The following CCDC138 variants were observed in gnomAD, a reference collection of about 807,000 sequenced individuals.
CCDC138 encodes the protein coiled-coil domain containing 138, also known as coiled-coil domain-containing protein 138.
Under a neutral mutation model 82.3 loss-of-function variants are expected in CCDC138, and 66 were observed. That is an observed-to-expected ratio of 0.80 (90% confidence interval 0.66 to 0.98). The LOEUF is 0.98. Ranked by LOEUF, CCDC138 falls within the 50% of genes least tolerant of loss-of-function variation. The pLI is 0.00. For synonymous variants in CCDC138, 297 were observed against 265.4 expected (o/e 1.12, Z -1.16); for missense variants, 816 against 758.9 (o/e 1.08, Z -0.88).
At chr2:108,851,391 T>C (rs1423666200) in intron 12 of CCDC138, among the ~76,000 whole-genome samples, 2 of 152,156 alleles carry the variant, frequency 1.3e-5, no homozygotes, top group Non-Finnish European at 2.9e-5. Context: ...AACCTCTGCC[T>C]CCCAGGTTCA....
chr2:108,860,824 T>C (rs1270053074), intron 13 of CCDC138, among the ~76,000 whole-genome samples: 2 of 151,766 alleles, frequency 1.3e-5, no homozygotes, highest in Admixed American at 1.3e-4. Flanking sequence ...TTGGAATGAG[T>C]TAGGGAGGAG....
intron 2 of CCDC138, chr2:108,884,157 C>G (rs577560136): frequency 6.5e-6 from 1 of 152,728 alleles, no homozygotes; most frequent in East Asian, 1.9e-4. Context: ...TCTGCCTCGG[C>G]TTCCTAAAGT....
intron 2 of CCDC138, among the ~76,000 whole-genome samples, 190 bp downstream of exon 2, chr2:108,788,279 G>A (rs1366547593): frequency 6.6e-6 from 1 of 152,074 alleles, no homozygotes; most frequent in Admixed American, 6.5e-5. Flanking sequence ...AATTAGCCGA[G>A]CATGGTGGCG....
intron 7 of CCDC138, among the ~76,000 whole-genome samples, chr2:108,809,448 T>TTGTGTGTGTGTGTG (rs56122981): frequency 1.4e-5 from 2 of 141,138 alleles, no homozygotes; most frequent in East Asian, 2.1e-4. Context: ...ACATGAAATG[T>TTGTGTGTGTGTGTG]TGTGTGTGTG....
chr2:108,849,000 A>G (rs1282008295), intron 12 of CCDC138, among the ~76,000 whole-genome samples: 2 of 152,198 alleles, frequency 1.3e-5, no homozygotes, highest in African/African-American at 2.4e-5. Context: ...AAAGGAAAAC[A>G]TGAGCCTGGT....
intron 10 of CCDC138, among the ~76,000 whole-genome samples, chr2:108,821,079 C>T (rs968588901): frequency 3.9e-5 from 6 of 152,042 alleles, no homozygotes; most frequent in South Asian, 2.1e-4. Context: ...AATTTGTGGC[C>T]GGGTGCGGTG....
At chr2:108,787,908 A>T in intron 1 of CCDC138, 124 bp from the exon 2 acceptor site, 1 of 815,440 alleles carries the variant, frequency 1.2e-6, no homozygotes, top group Non-Finnish European at 1.9e-6. Context: ...CACTTGGTTA[A>T]GATGGTGTCT....
intron 13 of CCDC138, among the ~76,000 whole-genome samples, chr2:108,859,415 T>TGTC (rs1202959429): frequency 6.6e-6 from 1 of 152,210 alleles, no homozygotes; most frequent in Admixed American, 6.5e-5. Context: ...AGGTCCCAGT[T>TGTC]GTCAATTTTT....
chr2:108,832,344 CTTTTT>C (rs1179620383), intron 10 of CCDC138, among the ~76,000 whole-genome samples: 2 of 122,238 alleles, frequency 1.6e-5, no homozygotes, highest in Admixed American at 8.4e-5. Context: ...GTATTTCTTT[CTTTTT>C]TTTTTTTTTT....
In CCDC138 at chr2:108,861,776, C is replaced by T. The variant is rs568857469; in HGVS notation, c.1693+4806C>T. On this transcript the variant is annotated intron_variant, in intron 13 of 14. Transcript: ENST00000295124. The stretch of plus-strand genomic sequence containing the variant: ...GATTACAGGCGTGAGCCACCGCGCC[C>T]GGCCTAAACCTCGGCCTCCCAAAGT... 1.2e-4 allele frequency among the ~76,000 whole-genome samples: 18 copies of T among 151,810 alleles called. No individual in the cohort carries two copies. The South Asian group carries it at 1.5e-3, about 12-fold the overall frequency.
chr2:108,788,772 T>G, intron 2 of CCDC138, 80 bp from the exon 3 acceptor site: 2 of 1,547,574 alleles, frequency 1.3e-6, no homozygotes, highest in South Asian at 1.2e-5. Flanking sequence ...AAAATAGTAT[T>G]ATTTAGACTT....
At position 108,816,003 on chromosome 2, in the gene CCDC138, T is replaced by A; in HGVS notation, c.1104T>A (p.His368Gln). ...TCTTCATGGACTGGATTTCGGATCATCATCTTAGCAAAGTGAAACATGAAG... is the reference window on the plus strand; with the variant it reads ...TCTTCATGGACTGGATTTCGGATCAACATCTTAGCAAAGTGAAACATGAAG... ...LTVFMDWISD[H>Q]HLSKVKHEES... The change falls in exon 10 of 15, where the codon CAT becomes CAA. Residue 368 changes from histidine to glutamine, a missense_variant. Transcript: ENST00000295124. The A allele has an allele frequency of 6.2e-7, 1 of 1,613,740 alleles. No individual in the cohort carries two copies. Among genetic ancestry groups the A allele is most frequent in the African/African-American group, 1.3e-5 (1 of 75,026 alleles).
chr2:108,828,505 G>C (rs559191627), intron 10 of CCDC138, among the ~76,000 whole-genome samples: 36 of 152,300 alleles, frequency 2.4e-4, no homozygotes, highest in Non-Finnish European at 4.4e-4. Context: ...CATAAGACAT[G>C]TAGACCAATG....
At chr2:108,868,205 G>A (rs913674727) in intron 13 of CCDC138, among the ~76,000 whole-genome samples, 25 of 151,982 alleles carry the variant, frequency 1.6e-4, no homozygotes, top group Non-Finnish European at 2.5e-4. Context: ...TAAAAGTTAC[G>A]TTTATTTTCT....
chr2:108,866,003 G>A (rs72836525), intron 13 of CCDC138, among the ~76,000 whole-genome samples: 335 of 152,248 alleles, frequency 2.2e-3, no homozygotes, highest in Admixed American at 4.6e-3. Context: ...GGAGCTGGGG[G>A]ATTTTGTTCC....
At position 108,815,473 on chromosome 2, in the gene CCDC138, T is replaced by TG. The variant is rs1184624567; in HGVS notation, c.1042-468_1042-467insG. Among the ~76,000 whole-genome samples the TG allele has an allele frequency of 3.2e-4, 44 of 138,278 alleles. 1 individual carries two copies. The highest frequency in any genetic ancestry group is 1.9e-3 in the South Asian group (8 of 4,252). 90.7% of individuals were successfully genotyped at this position (138,278 alleles called of 152,430 possible). A position where few individuals can be genotyped will look rare whatever the true frequency, so the allele number is the denominator to read the frequency against. ...GGAGGTTTTTGGTGTTTTTTTTTTT[T>TG]TTTTTTTTTTTGAGATGGAGTCTTG... On this transcript the variant is annotated intron_variant, in intron 9 of 14. Transcript: ENST00000295124.
intron 12 of CCDC138, among the ~76,000 whole-genome samples, chr2:108,856,412 C>T (rs1386559526): frequency 1.3e-5 from 2 of 152,138 alleles, no homozygotes; most frequent in Non-Finnish European, 2.9e-5. Flanking sequence ...AGCAACAAAA[C>T]ATAATCTTAG....
intron 10 of CCDC138, among the ~76,000 whole-genome samples, chr2:108,836,907 A>AT (rs1385097588): frequency 6.7e-6 from 1 of 148,898 alleles, no homozygotes; most frequent in Non-Finnish European, 1.5e-5. Flanking sequence ...TTTAGTATTG[A>AT]TTTTGTATTC....
At chr2:108,853,925 A>T (rs1188635565) in intron 12 of CCDC138, among the ~76,000 whole-genome samples, 2 of 115,808 alleles carry the variant, frequency 1.7e-5, no homozygotes, top group African/African-American at 8.3e-5. Flanking sequence ...TATATATATT[A>T]TATATAATTT....
Sources: gnomAD v4.1 joint callset for allele counts (sites outside exome capture counted in the v4.1 genomes callset) on GRCh38, gnomAD v4.1.1 for gene constraint, MANE v1.5 for transcripts, NCBI Gene and HGNC (gene_info 2026-07-23, HGNC 2026-07-21) for gene names.